The following TNS4 variants were observed in gnomAD, a reference collection of about 807,000 sequenced individuals.
TNS4 encodes tensin 4.
Under a neutral mutation model 70.4 loss-of-function variants are expected in TNS4, and 46 were observed. The ratio of observed to expected loss-of-function variants is 0.65; its 90% CI spans 0.52 to 0.84. TNS4 has a LOEUF of 0.84. Ranked by LOEUF, TNS4 falls within the 40% of genes least tolerant of loss-of-function variation. The probability of loss-of-function intolerance (pLI) is 0.00; values close to 1 mark genes in which losing one functional copy is unlikely to be tolerated. For missense variants in TNS4, 863 were observed against 907.0 expected (o/e 0.95, Z 0.62); for synonymous variants, 390 against 366.6 (o/e 1.06, Z -0.73).
chr17:40,477,721 C>G lies in TNS4; in HGVS notation c.2015G>C (p.Gly672Ala). ...CTCTGTCTGGCTCTTGGCCACAAAC[C>G]CAAAGATCCTGGTGGGGGAGGGCAG... ...QKYCKPSWIF[G>A]FVAKSQTEPQ... Residue 672 changes from glycine (G) to alanine (A), a missense_variant, in exon 13 of 13, where the codon GGG becomes GCG. By Grantham distance (60) the Gly-to-Ala change is moderately conservative (BLOSUM62 0). Transcript: ENST00000254051. The G allele has an allele frequency of 1.2e-6, 2 of 1,613,846 alleles. No homozygotes were observed. The highest frequency in any genetic ancestry group is 1.7e-6 in the Non-Finnish European group (2 of 1,179,964).
intron 1 of TNS4, among the ~76,000 whole-genome samples, chr17:40,499,658 G>T (rs375350599): frequency 1.3e-5 from 2 of 152,238 alleles, no homozygotes; most frequent in African/African-American, 2.4e-5. Context: ...TCCCGGGCAC[G>T]GGAAGCTTTC....
At chr17:40,489,214 G>T (rs1002626914) in intron 2 of TNS4, among the ~76,000 whole-genome samples, 1 of 152,158 alleles carries the variant, frequency 6.6e-6, no homozygotes, top group Non-Finnish European at 1.5e-5. Context: ...ACAGACCCAG[G>T]CTTCAGATCT....
rs1359914459 is a variant in TNS4 at position 40,496,465 on chromosome 17, A to T, written c.-40T>A. 2.5e-6 allele frequency: 4 copies of T among 1,575,188 alleles called. No homozygotes were observed. Among genetic ancestry groups the T allele is most frequent in the Non-Finnish European group, 2.6e-6 (3 of 1,163,732 alleles). On this transcript the variant is annotated 5_prime_UTR_variant, in exon 2 of 13. Coordinates refer to ENST00000254051, the MANE Select transcript of TNS4 (RefSeq NM_032865.6). The stretch of plus-strand genomic sequence containing the variant: ...CCTCTGCAGTTTACCTCTGGTCTTC[A>T]ACCAGCCTCACTGACATCCCAGAGA...
Position 40,488,929 on chromosome 17 carries a change from G to A in TNS4, c.480C>T (p.Cys160=). The part of the protein sequence containing the change: ...YIEVTSARSR[C]HDGPQHCSSP... ...TGGAGCAGTGCTGGGGGCCATCGTG[G>A]CACCTTGATCTGGCGGAGGTCACCT... Residue 160 remains cysteine (C), a synonymous_variant, in exon 3 of 13, where the codon TGC becomes TGT. Transcript: ENST00000254051. The A allele has an allele frequency of 6.3e-7, 1 of 1,598,154 alleles. No individual in the cohort carries two copies. The highest frequency in any genetic ancestry group is 8.5e-7 in the Non-Finnish European group (1 of 1,174,616).
intron 2 of TNS4, among the ~76,000 whole-genome samples, chr17:40,489,709 C>T (rs918635604): frequency 4.7e-5 from 7 of 150,430 alleles, no homozygotes; most frequent in African/African-American, 1.2e-4. Flanking sequence ...GTACAAGAAT[C>T]GCTTGAACCC....
chr17:40,478,884 AC>A (rs903134534), intron 10 of TNS4, among the ~76,000 whole-genome samples: 1 of 151,850 alleles, frequency 6.6e-6, no homozygotes, highest in African/African-American at 2.4e-5. Flanking sequence ...TTTCTATCAC[AC>A]CCCTACCACG....
intron 2 of TNS4, among the ~76,000 whole-genome samples, chr17:40,494,876 CTTCACCCTTGCTGGTAGT>C (rs1187008894): frequency 6.6e-6 from 1 of 152,190 alleles, no homozygotes; most frequent in African/African-American, 2.4e-5. Flanking sequence ...TCATGCACCC[CTTCACCCTTGCTGGTAGT>C]TTAAAGCCTT....
chr17:40,496,235 C>A lies in TNS4; in HGVS notation c.191G>T (p.Gly64Val). 4.4e-6 allele frequency: 7 copies of A among 1,593,682 alleles called. No homozygotes were observed. Among genetic ancestry groups the A allele is most frequent in the African/African-American group, 1.3e-5 (1 of 74,404 alleles). Residue 64 changes from glycine to valine, a missense_variant, in exon 2 of 13, where the codon GGC becomes GTC. Physicochemically the swap from Gly to Val is moderately radical, Grantham distance 109. Transcript: ENST00000254051. ...MAPVPCMGPP[G>V]RLQQAPQVEA... ...CACCTGTGGGGCTTGCTGGAGTCGG[C>A]CAGGGGGCCCCATGCAGGGCACGGG...
intron 8 of TNS4, 63 bp downstream of exon 8, chr17:40,482,066 C>T: frequency 6.3e-7 from 1 of 1,575,168 alleles, no homozygotes; most frequent in Admixed American, 1.7e-5. Context: ...GAGTGAACCC[C>T]ATTTCTAATG....
At chr17:40,489,862 G>A (rs935464009) in intron 2 of TNS4, among the ~76,000 whole-genome samples, 101 of 151,258 alleles carry the variant, frequency 6.7e-4, no homozygotes, top group African/African-American at 2.3e-3. Flanking sequence ...TCTCAAGCTT[G>A]GTTACACACT....
At position 40,495,985 on chromosome 17, in the gene TNS4, A is replaced by G; in HGVS notation, c.439+2T>C. ...TCCTGGTACTGTGCCCCAAATCCTT[A>G]CCCAAGGCTTCAGATTCCTCCTTCT... On this transcript the variant is annotated splice_donor_variant, in intron 2 of 12. Coordinates refer to ENST00000254051, the MANE Select transcript of TNS4 (RefSeq NM_032865.6). LOFTEE classifies it high-confidence loss of function. The G allele has an allele frequency of 1.9e-6, 3 of 1,604,692 alleles. No homozygotes were observed. Among genetic ancestry groups the G allele is most frequent in the South Asian group, 1.1e-5 (1 of 89,492 alleles).
intron 12 of TNS4, chr17:40,478,081 C>A (rs2035872413): frequency 1.6e-6 from 1 of 628,706 alleles, no homozygotes; most frequent in South Asian, 2.0e-5. Context: ...GAAGTTAGAG[C>A]CTGTGCCTCT....
At chr17:40,478,272 G>T (rs2035875881) in intron 12 of TNS4, 35 bp downstream of exon 12, 1 of 1,613,748 alleles carries the variant, frequency 6.2e-7, no homozygotes, top group Non-Finnish European at 8.5e-7. Flanking sequence ...CCCTCCCCAT[G>T]TTGGGTTTGG....
Position 40,488,728 on chromosome 17 carries a change from A to G in TNS4, c.681T>C (p.Asn227=). Residue 227 remains asparagine, a synonymous_variant, in exon 3 of 13, where the codon AAT becomes AAC. Coordinates refer to ENST00000254051, the MANE Select transcript of TNS4 (RefSeq NM_032865.6). ...PSEGLSPRPP[N]SPSISIPCMG... ...TGCAAGGGATTGAGATGCTGGGGGA[A>G]TTTGGGGGTCGAGGGGAGAGACCCT... is the stretch of plus-strand genomic sequence containing the variant. 3 of 1,587,270 alleles carry G rather than the reference A, an allele frequency of 1.9e-6. No homozygotes were observed. Among genetic ancestry groups the G allele is most frequent in the East Asian group, 4.5e-5 (2 of 44,182 alleles).
intron 2 of TNS4, among the ~76,000 whole-genome samples, chr17:40,493,293 G>A (rs914739701): frequency 2.6e-5 from 4 of 152,212 alleles, no homozygotes; most frequent in Non-Finnish European, 5.9e-5. Context: ...ATGTCAGAGT[G>A]TCTTTCCTTG....
At chr17:40,494,716 T>A (rs1378553255) in intron 2 of TNS4, among the ~76,000 whole-genome samples, 3 of 119,218 alleles carry the variant, frequency 2.5e-5, no homozygotes, top group Non-Finnish European at 5.0e-5. Context: ...TGGGTGACAG[T>A]GAGACTCCAT....
chr17:40,484,845 C>A lies in TNS4; in HGVS notation c.1375+76G>T. ...GGACCCACTATTTGCCATTCCTTAA[C>A]TGTAACCCAGGGCCCTGCCTGATGC... On this transcript the variant is annotated intron_variant, in intron 5 of 12. Coordinates refer to ENST00000254051, the MANE Select transcript of TNS4 (RefSeq NM_032865.6). 4 of 1,556,140 alleles carry A rather than the reference C, an allele frequency of 2.6e-6. No individual in the cohort carries two copies. The Admixed American group carries it at 6.7e-5, about 26-fold the overall frequency.
intron 3 of TNS4, 148 bp from the exon 4 acceptor site, chr17:40,487,608 G>A (rs2036008413): frequency 1.3e-6 from 1 of 753,196 alleles, no homozygotes; most frequent in Admixed American, 2.9e-5. Flanking sequence ...CCACAGCAAA[G>A]TGCATGCCCA....
intron 9 of TNS4, 190 bp from the exon 10 acceptor site, chr17:40,480,032 T>C (rs2143780363): frequency 1.5e-6 from 1 of 673,976 alleles, no homozygotes; most frequent in East Asian, 2.8e-5. Context: ...CTTTGGGATC[T>C]TCTGTGGCTT....
Sources: gnomAD v4.1 joint callset for allele counts (sites outside exome capture counted in the v4.1 genomes callset) on GRCh38, gnomAD v4.1.1 for gene constraint, MANE v1.5 for transcripts, NCBI Gene and HGNC (gene_info 2026-07-23, HGNC 2026-07-21) for gene names.